Variants in FRY observed in about 807,000 individuals in gnomAD.
The protein encoded by FRY is FRY microtubule binding protein.
In FRY, 128 loss-of-function variants were observed where a neutral mutation model predicts 348.4. That is an observed-to-expected ratio of 0.37 (90% CI 0.32 to 0.43). The LOEUF is 0.43. Ranked by LOEUF, FRY falls within the 20% of genes least tolerant of loss-of-function variation. FRY has a pLI of 1.00. For missense variants in FRY, 2,736 were observed against 3,695.2 expected, an observed-to-expected ratio of 0.74 and a Z score of 6.73; for synonymous variants, 1,370 against 1,374.7, an observed-to-expected ratio of 1.00 and a Z score of 0.08.
At chr13:32,218,501 A>G (rs1177801745) in intron 35 of FRY, among the ~76,000 whole-genome samples, 1 of 152,102 alleles carries the variant, frequency 6.6e-6, no homozygotes, top group Non-Finnish European at 1.5e-5. Context: ...TAACATGGTG[A>G]AACCCTGTCT....
chr13:32,282,757 G>C (rs1407834661), intron 58 of FRY, among the ~76,000 whole-genome samples: 1 of 152,202 alleles, frequency 6.6e-6, no homozygotes, highest in Non-Finnish European at 1.5e-5. Context: ...GAAAGTTTAT[G>C]CACTGGTGGC....
At chr13:32,209,155 A>G (rs1307784453) in intron 32 of FRY, 46 bp downstream of exon 32, 1 of 1,611,014 alleles carries the variant, frequency 6.2e-7, no homozygotes, top group Admixed American at 1.7e-5. Flanking sequence ...CTCCATCATC[A>G]GAAAAAAACC....
At chr13:32,184,373 A>G (rs1023768272) in intron 24 of FRY, among the ~76,000 whole-genome samples, 2 of 152,106 alleles carry the variant, frequency 1.3e-5, no homozygotes, top group Non-Finnish European at 2.9e-5. Context: ...GGTTCTCAAC[A>G]TTGCCACCTA....
chr13:32,239,900 T>C lies in FRY; in HGVS notation c.6687+19T>C. 1 of 1,604,254 alleles carries C rather than the reference T, an allele frequency of 6.2e-7. No individual in the cohort carries two copies. Among genetic ancestry groups the C allele is most frequent in the Non-Finnish European group, 8.5e-7 (1 of 1,172,688 alleles). On this transcript the variant is annotated intron_variant, in intron 46 of 60. Transcript: ENST00000542859. This position sits in a 1 kb window ranked among gnomAD's most constrained non-coding sequence, Gnocchi z 4.3. ...GGCAGAGGTAAGCTTTTTTTTTTTG[T>C]TTTTTGAGACAGGGTCTCATTATGT...
chr13:32,121,284 C>T (rs1260355988), intron 4 of FRY, among the ~76,000 whole-genome samples: 1 of 152,122 alleles, frequency 6.6e-6, no homozygotes, highest in African/African-American at 2.4e-5. Flanking sequence ...TGGGTAGATA[C>T]CCAGTAGTGG....
At chr13:32,161,833 C>A (rs948009169) in intron 17 of FRY, among the ~76,000 whole-genome samples, 1 of 152,194 alleles carries the variant, frequency 6.6e-6, no homozygotes, top group Non-Finnish European at 1.5e-5. Flanking sequence ...CTTCCCAATG[C>A]ACAATCCAAT....
chr13:32,068,394 C>G (rs931853341), intron 1 of FRY, among the ~76,000 whole-genome samples: 3 of 152,220 alleles, frequency 2.0e-5, no homozygotes, highest in African/African-American at 7.2e-5. Flanking sequence ...GTTATTCGAT[C>G]TCCTTTTGGT....
intron 1 of FRY, among the ~76,000 whole-genome samples, chr13:32,035,633 G>C (rs2138341864): frequency 6.6e-6 from 1 of 152,284 alleles, no homozygotes; most frequent in East Asian, 1.9e-4. Context: ...TGAACACACA[G>C]GGCCCAATGA....
intron 41 of FRY, 145 bp downstream of exon 41, chr13:32,231,445 G>A (rs1885911211): frequency 3.8e-6 from 3 of 794,688 alleles, no homozygotes; most frequent in East Asian, 4.9e-5. Context: ...TCTGAAGCTT[G>A]TTCAGATGCT....
intron 1 of FRY, chr13:32,038,513 G>A (rs139314411): frequency 4.4e-4 from 67 of 152,312 alleles, no homozygotes; most frequent in African/African-American, 1.4e-3. Flanking sequence ...CTGGAAACGC[G>A]AATGGCATTT....
At chr13:32,217,934 GTGACATTAC>G (rs1437983232) in intron 35 of FRY, among the ~76,000 whole-genome samples, 1 of 152,100 alleles carries the variant, frequency 6.6e-6, no homozygotes, top group Non-Finnish European at 1.5e-5. Flanking sequence ...AGTCTTTCTG[GTGACATTAC>G]TCCCCAACTA....
At chr13:32,064,071 G>A (rs1355639271) in intron 1 of FRY, among the ~76,000 whole-genome samples, 2 of 152,170 alleles carry the variant, frequency 1.3e-5, no homozygotes, top group African/African-American at 4.8e-5. Flanking sequence ...TAAGTGTAGT[G>A]GGGGAGACAG....
chr13:32,190,066 T>C (rs1883249862), intron 28 of FRY, among the ~76,000 whole-genome samples: 1 of 151,882 alleles, frequency 6.6e-6, no homozygotes, highest in South Asian at 2.1e-4. Context: ...TGATCTCAGA[T>C]GTACGAAAAG....
chr13:32,124,701 T>A lies in FRY; in HGVS notation c.635+20T>A. The A allele has an allele frequency of 6.5e-7, 1 of 1,538,960 alleles. No individual in the cohort carries two copies. The highest frequency in any genetic ancestry group is 9.0e-7 in the Non-Finnish European group (1 of 1,111,466). On this transcript the variant is annotated intron_variant, in intron 6 of 60. Coordinates refer to ENST00000542859, the MANE Select transcript of FRY (RefSeq NM_023037.3). ...AGAAGGGTAAGATGATTTCTCACCT[T>A]AGAATGTTGAAGTTGGTGTTTAAAA...
rs112683235 is a variant in FRY at position 32,102,066 on chromosome 13, C to T, written c.324+50C>T. Reference sequence around the variant, plus strand: ...TAGTTTTCCTTTATTTCAGCATTCACGCAAGGCAAGGTCTGCATGCTCACT... The same window carrying T: ...TAGTTTTCCTTTATTTCAGCATTCATGCAAGGCAAGGTCTGCATGCTCACT... On this transcript the variant is annotated intron_variant, in intron 3 of 60. Coordinates refer to ENST00000542859, the MANE Select transcript of FRY (RefSeq NM_023037.3). The T allele has an allele frequency of 3.2e-5, 34 of 1,058,290 alleles. No individual in the cohort carries two copies. The African/African-American group carries it at 3.9e-4, about 12-fold the overall frequency. 65.6% of individuals were successfully genotyped at this position (1,058,290 alleles called of 1,614,324 possible). A position where few individuals can be genotyped will look rare whatever the true frequency, so the allele number is the denominator to read the frequency against.
chr13:32,295,093 T>G, intron 60 of FRY, 109 bp from the exon 61 acceptor site: 1 of 989,818 alleles, frequency 1.0e-6, no homozygotes, highest in Non-Finnish European at 1.6e-6. Flanking sequence ...GAATTCCATC[T>G]CAATAAAGCC....
At position 32,192,267 on chromosome 13, in the gene FRY, CTTTT is replaced by C. The variant is rs61216750; in HGVS notation, c.3592-1872_3592-1869del. 1.2e-3 allele frequency among the ~76,000 whole-genome samples: 181 copies of C among 152,040 alleles called. 1 individual carries two copies. The highest frequency in any genetic ancestry group is 4.1e-3 in the African/African-American group (170 of 41,460). ...TCTCTCAAGTCTAACTTTTTAATGA[CTTTT>C]TTTGTTTTGTTTGTTTGTTTATTTG... On this transcript the variant is annotated intron_variant, in intron 28 of 60. Transcript: ENST00000542859.
intron 19 of FRY, 88 bp downstream of exon 19, chr13:32,173,637 T>C (rs1480690541): frequency 1.0e-6 from 1 of 958,084 alleles, no homozygotes. Context: ...GCATTACTAT[T>C]TCAGGTACTT....
chr13:32,050,335 A>G (rs1211982713), intron 1 of FRY, among the ~76,000 whole-genome samples: 1 of 152,214 alleles, frequency 6.6e-6, no homozygotes, highest in South Asian at 2.1e-4. Flanking sequence ...TTCATAGAAA[A>G]CAAAGGCATC....
Sources: gnomAD v4.1 joint callset for allele counts (sites outside exome capture counted in the v4.1 genomes callset) on GRCh38, gnomAD v4.1.1 for gene constraint, Gnocchi (gnomAD v3.1) non-coding constraint, MANE v1.5 for transcripts, NCBI Gene and HGNC (gene_info 2026-07-23, HGNC 2026-07-21) for gene names.